Variants in WWOX observed in about 807,000 individuals in gnomAD.
WWOX encodes the protein WW domain containing oxidoreductase.
Under a neutral mutation model 46.2 loss-of-function variants are expected in WWOX, and 69 were observed. The ratio of observed to expected loss-of-function variants is 1.49; its 90% CI spans 1.23 to 1.82. WWOX has a LOEUF of 1.82. Among genes scored for constraint, WWOX ranks in the 40% most tolerant of loss-of-function variants. The pLI is 0.00. For missense variants in WWOX, 919 were observed against 542.6 expected (o/e 1.69, Z -6.89); for synonymous variants, 359 against 202.6 (o/e 1.77, Z -6.56).
chr16:78,709,437 C>A (rs935935982), intron 8 of WWOX, among the ~76,000 whole-genome samples: 3 of 149,854 alleles, frequency 2.0e-5, no homozygotes, highest in South Asian at 2.1e-4. Context: ...TAATCGGGCT[C>A]TGTCAGATCA....
chr16:78,912,804 G>C (rs1567644302), intron 8 of WWOX, among the ~76,000 whole-genome samples: 1 of 151,992 alleles, frequency 6.6e-6, no homozygotes, highest in Non-Finnish European at 1.5e-5. Context: ...GGGAGGCTGA[G>C]AGAGGAAGAT....
chr16:78,494,602 C>G (rs2084865281), intron 8 of WWOX, among the ~76,000 whole-genome samples: 1 of 152,188 alleles, frequency 6.6e-6, no homozygotes, highest in Non-Finnish European at 1.5e-5. Flanking sequence ...GTCCAGGAGT[C>G]TTCTGTGTGA....
intron 8 of WWOX, among the ~76,000 whole-genome samples, chr16:79,109,302 C>G (rs1001771790): frequency 6.6e-6 from 1 of 152,122 alleles, no homozygotes; most frequent in Non-Finnish European, 1.5e-5. Context: ...CTCCCAGACC[C>G]CCAGTTTCTA....
At chr16:78,543,480 G>T (rs182786385) in intron 8 of WWOX, among the ~76,000 whole-genome samples, 7 of 152,334 alleles carry the variant, frequency 4.6e-5, no homozygotes, top group Admixed American at 4.6e-4. Flanking sequence ...AAAGGGCATT[G>T]CTTGGTCATT....
intron 8 of WWOX, chr16:79,016,471 A>G (rs2550722): frequency 0.99 from 150,333 of 152,460 alleles, 74,130 homozygotes; most frequent in East Asian, 1. Context: ...CGCCTGGGCT[A>G]GAGTGCAGTG....
intron 8 of WWOX, among the ~76,000 whole-genome samples, chr16:78,826,691 T>G (rs991456105): frequency 1.3e-5 from 2 of 152,196 alleles, no homozygotes; most frequent in African/African-American, 2.4e-5. Flanking sequence ...TGATTCCCAA[T>G]AAGCTTGCCT....
At chr16:78,158,988 T>G (rs1051771895) in intron 4 of WWOX, among the ~76,000 whole-genome samples, 1 of 152,184 alleles carries the variant, frequency 6.6e-6, no homozygotes, top group Non-Finnish European at 1.5e-5. Context: ...TCTATGAGTT[T>G]GAGTGTCTTA....
At chr16:78,927,575 G>A (rs999378938) in intron 8 of WWOX, among the ~76,000 whole-genome samples, 1 of 152,102 alleles carries the variant, frequency 6.6e-6, no homozygotes, top group African/African-American at 2.4e-5. Flanking sequence ...AGTTGCGTAG[G>A]TACCAGCACT....
At chr16:78,630,854 C>G (rs142510479) in intron 8 of WWOX, among the ~76,000 whole-genome samples, 1 of 144,850 alleles carries the variant, frequency 6.9e-6, no homozygotes, top group Non-Finnish European at 1.5e-5. Flanking sequence ...GGTGAATGAA[C>G]GAAAGAGGCC....
intron 8 of WWOX, among the ~76,000 whole-genome samples, chr16:79,001,426 T>G (rs940665367): frequency 6.6e-6 from 1 of 152,220 alleles, no homozygotes; most frequent in Admixed American, 6.5e-5. Context: ...TCGAGTGTTC[T>G]GTGAAGCCAG....
At chr16:78,373,452 A>G (rs78865443) in intron 5 of WWOX, among the ~76,000 whole-genome samples, 3,595 of 152,282 alleles carry the variant, frequency 0.024, 149 homozygotes, top group African/African-American at 0.082. Context: ...CAGGAGTTAC[A>G]TTCTCTTCTG....
At chr16:78,540,282 A>G (rs1446910132) in intron 8 of WWOX, among the ~76,000 whole-genome samples, 2 of 151,934 alleles carry the variant, frequency 1.3e-5, no homozygotes, top group East Asian at 3.9e-4. Context: ...TGCTTTTTAT[A>G]GGTTAATTGT....
chr16:78,326,956 C>G (rs72792356), intron 5 of WWOX, among the ~76,000 whole-genome samples: 32,628 of 151,990 alleles, frequency 0.21, 4,943 homozygotes, highest in African/African-American at 0.42. Context: ...AACTGAATTT[C>G]TCTTGCTGCT....
intron 8 of WWOX, among the ~76,000 whole-genome samples, chr16:78,919,808 C>T (rs942658179): frequency 1.3e-5 from 2 of 152,156 alleles, no homozygotes; most frequent in African/African-American, 2.4e-5. Flanking sequence ...AGCCACTGCA[C>T]CTGACTAAGT....
intron 8 of WWOX, among the ~76,000 whole-genome samples, chr16:78,909,605 A>G (rs537426691): frequency 7.2e-5 from 11 of 152,312 alleles, no homozygotes; most frequent in Admixed American, 6.5e-4. Flanking sequence ...CTTTCTGGAA[A>G]TGATGCTCCT....
intron 8 of WWOX, among the ~76,000 whole-genome samples, chr16:78,827,464 C>G (rs545522510): frequency 9.8e-4 from 149 of 152,088 alleles, no homozygotes; most frequent in Non-Finnish European, 1.9e-3. Context: ...CTGCAAGTTT[C>G]TCCTTAACAC....
intron 8 of WWOX, among the ~76,000 whole-genome samples, chr16:79,169,195 C>T (rs1291914916): frequency 6.6e-6 from 1 of 152,206 alleles, no homozygotes; most frequent in African/African-American, 2.4e-5. Context: ...TGTCCAAAGT[C>T]TCCCATTTCA....
chr16:78,688,180 C>G (rs1342251675), intron 8 of WWOX, among the ~76,000 whole-genome samples: 1 of 151,654 alleles, frequency 6.6e-6, no homozygotes, highest in Non-Finnish European at 1.5e-5. Context: ...AATGTGAGGC[C>G]TTATTGTGTA....
chr16:78,477,878 G>C (rs2084390384), intron 8 of WWOX, among the ~76,000 whole-genome samples: 1 of 152,142 alleles, frequency 6.6e-6, no homozygotes, highest in Non-Finnish European at 1.5e-5. Flanking sequence ...TATAATATTA[G>C]TGGGAGGAAG....
Sources: allele counts gnomAD v4.1 joint callset (sites outside exome capture counted in the v4.1 genomes callset), GRCh38; gene constraint gnomAD v4.1.1; transcripts MANE v1.5; gene names NCBI Gene and HGNC (gene_info 2026-07-23, HGNC 2026-07-21).